SGCZ: variants seen among roughly 807,000 people sequenced by gnomAD.
SGCZ encodes zeta-sarcoglycan.
SGCZ carries 40 observed loss-of-function variants against 41.3 expected under a neutral mutation model. The observed-to-expected ratio is 0.97, with a 90% CI of 0.75 to 1.26. SGCZ has a LOEUF of 1.26. Ranked by LOEUF, SGCZ falls within the 50% of genes most tolerant of loss-of-function variation. SGCZ has a pLI of 0.00. For synonymous variants in SGCZ, 206 were observed against 137.5 expected (o/e 1.50, Z -3.49); for missense variants, 552 against 369.8 (o/e 1.49, Z -4.04).
chr8:14,594,882 C>G (rs1362169741), intron 1 of SGCZ, among the ~76,000 whole-genome samples: 2 of 151,924 alleles, frequency 1.3e-5, no homozygotes, highest in Admixed American at 1.3e-4. Context: ...TTCTGTGTCT[C>G]TATTACAGAG....
At chr8:14,470,803 C>T (rs13281297) in intron 2 of SGCZ, among the ~76,000 whole-genome samples, 9,511 of 152,148 alleles carry the variant, frequency 0.063, 412 homozygotes, top group Admixed American at 0.12. Flanking sequence ...AACTCGAGTT[C>T]CTAGAAAAGA....
At chr8:14,605,497 T>A (rs62494844) in intron 1 of SGCZ, among the ~76,000 whole-genome samples, 23,984 of 152,064 alleles carry the variant, frequency 0.16, 2,333 homozygotes, top group Non-Finnish European at 0.21. Context: ...AAATACTAGA[T>A]CTTTTAATCT....
chr8:14,896,912 G>A (rs905250245), intron 1 of SGCZ, among the ~76,000 whole-genome samples: 2 of 152,064 alleles, frequency 1.3e-5, no homozygotes, highest in Non-Finnish European at 2.9e-5. Context: ...CTCCTGAGTA[G>A]CTGGGATTAC....
At chr8:15,147,841 G>C (rs1799077795) in intron 1 of SGCZ, among the ~76,000 whole-genome samples, 1 of 152,130 alleles carries the variant, frequency 6.6e-6, no homozygotes, top group Non-Finnish European at 1.5e-5. Context: ...TTTTTTCCAT[G>C]TAATATATAC....
chr8:14,658,943 C>T (rs940678146), intron 1 of SGCZ, among the ~76,000 whole-genome samples: 21 of 151,504 alleles, frequency 1.4e-4, no homozygotes, highest in African/African-American at 4.1e-4. Context: ...GAAAAAGAGA[C>T]GAAAAAAGTC....
intron 4 of SGCZ, among the ~76,000 whole-genome samples, chr8:14,235,051 C>T (rs1439913803): frequency 2.0e-5 from 3 of 152,194 alleles, no homozygotes; most frequent in South Asian, 2.1e-4. Flanking sequence ...AATTCCCTAC[C>T]GTTTGTAGAC....
intron 2 of SGCZ, among the ~76,000 whole-genome samples, chr8:14,369,614 T>C (rs1003911034): frequency 1.2e-4 from 18 of 152,036 alleles, no homozygotes; most frequent in African/African-American, 3.9e-4. Context: ...AATATGAAAA[T>C]ACCCTGTTTC....
intron 1 of SGCZ, among the ~76,000 whole-genome samples, chr8:14,807,982 A>T (rs1190183440): frequency 6.6e-6 from 1 of 151,574 alleles, no homozygotes; most frequent in Non-Finnish European, 1.5e-5. Flanking sequence ...CCATGGGGAA[A>T]GGATTCCCTA....
intron 2 of SGCZ, among the ~76,000 whole-genome samples, chr8:14,521,781 G>C (rs1802796679): frequency 6.6e-6 from 1 of 152,006 alleles, no homozygotes; most frequent in Non-Finnish European, 1.5e-5. Context: ...CTCCATGAAT[G>C]GTCCAACACT....
chr8:14,237,466 G>C (rs1806803878), intron 4 of SGCZ, 126 bp downstream of exon 4: 4 of 882,314 alleles, frequency 4.5e-6, no homozygotes, highest in South Asian at 1.6e-5. Context: ...CCTGGTGACA[G>C]AGTGAGACTC....
chr8:14,925,918 A>G (rs1340409473), intron 1 of SGCZ, among the ~76,000 whole-genome samples: 2 of 152,244 alleles, frequency 1.3e-5, no homozygotes, highest in Non-Finnish European at 2.9e-5. Flanking sequence ...TTTTATGGGC[A>G]GAATAGTGAC....
intron 2 of SGCZ, among the ~76,000 whole-genome samples, chr8:14,502,836 T>A (rs1032219717): frequency 1.3e-5 from 2 of 152,154 alleles, no homozygotes; most frequent in Non-Finnish European, 2.9e-5. Flanking sequence ...ATAGGAACAC[T>A]TTATACTGTT....
intron 3 of SGCZ, among the ~76,000 whole-genome samples, chr8:14,283,091 C>T (rs185187112): frequency 9.9e-5 from 15 of 151,966 alleles, no homozygotes; most frequent in East Asian, 9.7e-4. Context: ...CCTCGTGATC[C>T]GCCCGCCTCG....
chr8:14,145,336 G>T (rs1803489017), intron 5 of SGCZ, among the ~76,000 whole-genome samples: 2 of 152,132 alleles, frequency 1.3e-5, no homozygotes, highest in African/African-American at 4.8e-5. Flanking sequence ...TTAATATGCA[G>T]ATACTAACAA....
intron 4 of SGCZ, among the ~76,000 whole-genome samples, chr8:14,225,632 G>A (rs922151025): frequency 6.6e-6 from 1 of 152,088 alleles, no homozygotes; most frequent in East Asian, 1.9e-4. Context: ...CCACATATAT[G>A]TGATATGCTA....
At chr8:14,223,924 T>C (rs1806287994) in intron 4 of SGCZ, among the ~76,000 whole-genome samples, 1 of 152,194 alleles carries the variant, frequency 6.6e-6, no homozygotes, top group African/African-American at 2.4e-5. Flanking sequence ...GTTTCACTTA[T>C]CCCATCTCAA....
chr8:14,974,839 C>G (rs991814775), intron 1 of SGCZ, among the ~76,000 whole-genome samples: 1 of 130,798 alleles, frequency 7.6e-6, no homozygotes, highest in African/African-American at 2.9e-5. Flanking sequence ...AAACATAAGA[C>G]GAATGAAGAG....
At chr8:14,555,985 G>T (rs77972130) in intron 1 of SGCZ, among the ~76,000 whole-genome samples, 19,369 of 151,826 alleles carry the variant, frequency 0.13, 1,731 homozygotes, top group African/African-American at 0.24. Flanking sequence ...TTAGAAGTCA[G>T]TTCTGAAAAA....
intron 1 of SGCZ, among the ~76,000 whole-genome samples, chr8:14,585,488 A>G (rs1368061070): frequency 6.6e-6 from 1 of 152,100 alleles, no homozygotes; most frequent in Non-Finnish European, 1.5e-5. Context: ...CCATATTATG[A>G]ATATGGTATT....
Sources: gnomAD v4.1 joint callset for allele counts (sites outside exome capture counted in the v4.1 genomes callset) on GRCh38, gnomAD v4.1.1 for gene constraint, MANE v1.5 for transcripts, NCBI Gene and HGNC (gene_info 2026-07-23, HGNC 2026-07-21) for gene names.